Variants in CCDC102B observed in about 807,000 individuals in gnomAD.
CCDC102B encodes the protein coiled-coil domain containing 102B, also known as coiled-coil domain-containing protein 102B.
Under a neutral mutation model 57.4 loss-of-function variants are expected in CCDC102B, and 75 were observed. That is an observed-to-expected ratio of 1.31 (90% confidence interval 1.08 to 1.58). The LOEUF is 1.58. Among genes scored for constraint, CCDC102B ranks in the 40% most tolerant of loss-of-function variants. The probability of loss-of-function intolerance (pLI) is 0.00; values close to 1 mark genes in which losing one functional copy is unlikely to be tolerated. For synonymous variants in CCDC102B, 206 were observed against 201.9 expected (o/e 1.02, Z -0.17); for missense variants, 636 against 582.6 (o/e 1.09, Z -0.94).
chr18:68,869,286 A>G (rs367999007), intron 4 of CCDC102B, among the ~76,000 whole-genome samples: 1 of 152,166 alleles, frequency 6.6e-6, no homozygotes, highest in African/African-American at 2.4e-5. Flanking sequence ...ACCAAGCAAG[A>G]CAGAGAAAAG....
chr18:68,969,069 C>T (rs77495081), intron 6 of CCDC102B, among the ~76,000 whole-genome samples: 4,631 of 152,064 alleles, frequency 0.03, 101 homozygotes, highest in Non-Finnish European at 0.045. Flanking sequence ...CATTGCAGTT[C>T]ATTGTGATCT....
intron 4 of CCDC102B, among the ~76,000 whole-genome samples, chr18:68,860,475 CAAAA>C (rs1169097862): frequency 1.9e-5 from 1 of 53,060 alleles, no homozygotes; most frequent in South Asian, 6.2e-4. Context: ...AAAACAAAAA[CAAAA>C]AAAAAAAAAG....
chr18:68,996,798 G>A (rs2051040250), intron 6 of CCDC102B, among the ~76,000 whole-genome samples: 1 of 152,148 alleles, frequency 6.6e-6, no homozygotes, highest in Admixed American at 6.5e-5. Context: ...TAAGAATTTG[G>A]GGGAAGCTTG....
At chr18:68,913,720 G>A (rs2040966301) in intron 6 of CCDC102B, among the ~76,000 whole-genome samples, 1 of 150,612 alleles carries the variant, frequency 6.6e-6, no homozygotes, top group Non-Finnish European at 1.5e-5. Context: ...TAAAGCTAAA[G>A]AAAGTGTAAT....
At chr18:68,975,175 T>C (rs1305932385) in intron 6 of CCDC102B, among the ~76,000 whole-genome samples, 4 of 152,022 alleles carry the variant, frequency 2.6e-5, no homozygotes, top group Admixed American at 6.6e-5. Flanking sequence ...GCCAGCTCTG[T>C]CTATACTTAC....
chr18:69,054,743 A>G lies in CCDC102B; in HGVS notation c.*606A>G, dbSNP rs1275706225. The G allele has an allele frequency of 9.1e-6, 9 of 985,204 alleles. No individual in the cohort carries two copies. Among genetic ancestry groups the G allele is most frequent in the Non-Finnish European group, 1.1e-5 (9 of 829,882 alleles). 61.0% of individuals were successfully genotyped at this position (985,204 alleles called of 1,614,324 possible). On this transcript the variant is annotated 3_prime_UTR_variant, in exon 8 of 8. Transcript: ENST00000360242. ...TAACAGATAACCAGTGATTGAATCT[A>G]AGACAGGCTGTAAGCATCGCTGAGA...
Position 69,030,942 on chromosome 18 carries a change from C to G in CCDC102B, c.1434+19838C>G, listed in dbSNP as rs114799187. On this transcript the variant is annotated intron_variant, in intron 7 of 7. Transcript: ENST00000360242. ...TGCTGGGATTACAAGTGTGAGTCAC[C>G]ATGTCCTGCCCAGTGTATGTTTCAT... Among the ~76,000 whole-genome samples the G allele has an allele frequency of 6.2e-3, 943 of 152,224 alleles. 12 individuals are homozygous for G. The highest frequency in any genetic ancestry group is 0.022 in the African/African-American group (901 of 41,536).
At chr18:68,976,414 A>G (rs1227848980) in intron 6 of CCDC102B, among the ~76,000 whole-genome samples, 1 of 152,006 alleles carries the variant, frequency 6.6e-6, no homozygotes, top group East Asian at 1.9e-4. Flanking sequence ...AAACCAGTAA[A>G]TTTTATTCTG....
intron 6 of CCDC102B, among the ~76,000 whole-genome samples, chr18:68,930,083 G>A (rs2041616279): frequency 1.3e-5 from 2 of 151,118 alleles, no homozygotes; most frequent in African/African-American, 2.4e-5. Flanking sequence ...ATAATTATAC[G>A]CACCTTGCTG....
Position 68,726,708 on chromosome 18 carries a change from C to G in CCDC102B, c.-67+10114C>G, listed in dbSNP as rs369891226. Among the ~76,000 whole-genome samples the G allele has an allele frequency of 2.6e-5, 4 of 152,280 alleles. No homozygotes were observed. In the South Asian group the frequency reaches 8.3e-4, roughly 32 times the overall value. ...TTGCCTCAAGGATTCTTGAATTCCT[C>G]CCTGCATATTGTCACAATCTGGTGA... is the stretch of plus-strand genomic sequence containing the variant. On this transcript the variant is annotated intron_variant, in intron 2 of 3. Coordinates refer to the CCDC102B transcript ENST00000578970.
chr18:68,848,264 T>C (rs2037965838), intron 4 of CCDC102B, among the ~76,000 whole-genome samples: 1 of 151,976 alleles, frequency 6.6e-6, no homozygotes, highest in South Asian at 2.1e-4. Context: ...TTCATGTAAA[T>C]TATTCTTTCT....
chr18:68,778,820 A>G (rs1368990523), intron 2 of CCDC102B, among the ~76,000 whole-genome samples: 8 of 150,264 alleles, frequency 5.3e-5, no homozygotes, highest in African/African-American at 1.7e-4. Flanking sequence ...AGAAATAGTG[A>G]TGACTTCTGG....
At chr18:68,760,654 A>G (rs1385275145) in intron 2 of CCDC102B, among the ~76,000 whole-genome samples, 2 of 152,076 alleles carry the variant, frequency 1.3e-5, no homozygotes, top group Non-Finnish European at 2.9e-5. Context: ...ATAAAAGCAA[A>G]TGCGTGGTGC....
In CCDC102B at chr18:68,757,391, T is replaced by A. The variant is rs187140409; in HGVS notation, c.-67+40797T>A. On this transcript the variant is annotated intron_variant, in intron 2 of 3. Transcript: ENST00000578970. ...TGGTAATATTATTTCAAAAATAGAC[T>A]TAATCTAAAACAGCTGTTGAAATTG... Among the ~76,000 whole-genome samples, 534 of 152,246 alleles carry A rather than the reference T, an allele frequency of 3.5e-3. 1 individual carries two copies. Among genetic ancestry groups the A allele is most frequent in the African/African-American group, 0.012 (514 of 41,560 alleles).
intron 6 of CCDC102B, among the ~76,000 whole-genome samples, chr18:68,956,460 T>A (rs1294489621): frequency 0.036 from 315 of 8,786 alleles, 93 homozygotes; most frequent in African/African-American, 0.15. Context: ...TATTATATAT[T>A]TTATATATAT....
At chr18:68,993,511 T>G (rs1317262964) in intron 6 of CCDC102B, 2 of 152,228 alleles carry the variant, frequency 1.3e-5, no homozygotes, top group Non-Finnish European at 2.9e-5. Context: ...CTGTGTATAT[T>G]TTTGGTCTTT....
rs1356644616 is a variant in CCDC102B at position 68,807,057 on chromosome 18, T to C, written c.-16+8876T>C. ...TCTCCTTGTTGAAAGGGGGAACACA[T>C]ATGAGTTTGAACGACCTTATCAAGG... On this transcript the variant is annotated intron_variant, in intron 1 of 7. Coordinates refer to ENST00000360242, the MANE Select transcript of CCDC102B (RefSeq NM_024781.3). 2.0e-5 allele frequency among the ~76,000 whole-genome samples: 3 copies of C among 152,266 alleles called. No homozygotes were observed. In the East Asian group the frequency reaches 5.8e-4, roughly 29 times the overall value.
intron 1 of CCDC102B, among the ~76,000 whole-genome samples, chr18:68,827,812 G>A (rs1379805299): frequency 1.3e-5 from 2 of 151,858 alleles, no homozygotes; most frequent in African/African-American, 4.8e-5. Context: ...CATCAATTAA[G>A]ATTGCCATCT....
In CCDC102B at chr18:68,844,982, G is replaced by A. The variant is rs535614366; in HGVS notation, c.828-1331G>A. Among the ~76,000 whole-genome samples the A allele has an allele frequency of 1.7e-4, 26 of 151,944 alleles. No homozygotes were observed. In the East Asian group the frequency reaches 3.7e-3, roughly 21 times the overall value. ...ATTTGCTATGTTAATAAGGGATTCC[G>A]GATCAGAGTCCTATAAGTGGTGCTT... On this transcript the variant is annotated intron_variant, in intron 3 of 7. Transcript: ENST00000360242.
Sources: allele counts gnomAD v4.1 joint callset (sites outside exome capture counted in the v4.1 genomes callset), GRCh38; gene constraint gnomAD v4.1.1; transcripts MANE v1.5; gene names NCBI Gene and HGNC (gene_info 2026-07-23, HGNC 2026-07-21).